NAALADL2: variants seen among roughly 807,000 people sequenced by gnomAD.
The protein encoded by NAALADL2 is inactive N-acetylated-alpha-linked acidic dipeptidase-like protein 2.
A neutral mutation model predicts 87.2 loss-of-function variants in NAALADL2; 76 were observed. The observed-to-expected ratio is 0.87, with a 90% CI of 0.72 to 1.05. The LOEUF (loss-of-function observed/expected upper bound fraction) is 1.05. Among genes scored for constraint, NAALADL2 ranks in the 50% least tolerant of loss-of-function variants. NAALADL2 has a pLI of 0.00. For missense variants in NAALADL2, 1,089 were observed against 945.8 expected (o/e 1.15, Z -1.99); for synonymous variants, 354 against 331.0 (o/e 1.07, Z -0.75).
intron 3 of NAALADL2, among the ~76,000 whole-genome samples, chr3:174,826,944 C>T (rs1270956561): frequency 6.6e-6 from 1 of 151,956 alleles, no homozygotes; most frequent in Admixed American, 6.6e-5. Context: ...TAACTTTAGC[C>T]TAAATTAATT....
At chr3:175,748,312 G>A (rs1341307722) in intron 12 of NAALADL2, among the ~76,000 whole-genome samples, 2 of 152,142 alleles carry the variant, frequency 1.3e-5, no homozygotes, top group South Asian at 2.1e-4. Context: ...AATAGAAAAT[G>A]TATGATAAAA....
At chr3:174,887,313 T>TTCTTG (rs1730283504) in intron 1 of NAALADL2, among the ~76,000 whole-genome samples, 1 of 152,220 alleles carries the variant, frequency 6.6e-6, no homozygotes, top group African/African-American at 2.4e-5. Context: ...ACTTGCTTGC[T>TTCTTG]TCTTGAACAT....
At chr3:174,982,368 C>T (rs980173765) in intron 1 of NAALADL2, among the ~76,000 whole-genome samples, 12 of 151,878 alleles carry the variant, frequency 7.9e-5, no homozygotes, top group African/African-American at 2.9e-4. Context: ...AAAAAAAAAG[C>T]TAATCAAGAA....
chr3:175,328,890 G>T (rs76126906), intron 5 of NAALADL2, among the ~76,000 whole-genome samples: 4 of 152,138 alleles, frequency 2.6e-5, no homozygotes, highest in Non-Finnish European at 5.9e-5. Context: ...TCTTTAAGTA[G>T]TATTCCATTT....
intron 4 of NAALADL2, among the ~76,000 whole-genome samples, chr3:175,279,439 G>T (rs1560282276): frequency 6.6e-6 from 1 of 151,976 alleles, no homozygotes; most frequent in Non-Finnish European, 1.5e-5. Context: ...CACATGTAGA[G>T]TGCTGATGCT....
intron 1 of NAALADL2, among the ~76,000 whole-genome samples, chr3:174,536,200 A>G (rs1721707855): frequency 6.6e-6 from 1 of 152,144 alleles, no homozygotes; most frequent in Admixed American, 6.6e-5. Flanking sequence ...TATTGAGAAC[A>G]GATAATTGGT....
At chr3:175,742,384 GT>G (rs1382514522) in intron 12 of NAALADL2, among the ~76,000 whole-genome samples, 1 of 152,034 alleles carries the variant, frequency 6.6e-6, no homozygotes, top group East Asian at 1.9e-4. Flanking sequence ...AAGTTTTTTT[GT>G]TTGTTTGTTT....
intron 4 of NAALADL2, among the ~76,000 whole-genome samples, chr3:175,279,779 AGTGTGTGAGTGTGTGTGT>A (rs1262880040): frequency 2.3e-5 from 3 of 128,670 alleles, no homozygotes; most frequent in Admixed American, 7.5e-5. Context: ...TCCTCTGCAT[AGTGTGTGAGTGTGTGTGT>A]GTGTGTGTGT....
At chr3:174,779,981 A>G (rs1710270) in intron 3 of NAALADL2, among the ~76,000 whole-genome samples, 44,773 of 151,856 alleles carry the variant, frequency 0.29, 6,642 homozygotes, top group Middle Eastern at 0.34. Context: ...ATATAAATTT[A>G]AAGTAGTTTT....
intron 2 of NAALADL2, among the ~76,000 whole-genome samples, chr3:174,699,513 C>A (rs952011731): frequency 1.3e-5 from 2 of 150,862 alleles, no homozygotes; most frequent in East Asian, 1.9e-4. Context: ...AAAAAAAATT[C>A]TTAGATGGTG....
At chr3:174,524,828 C>G (rs1389047492) in intron 1 of NAALADL2, among the ~76,000 whole-genome samples, 1 of 152,106 alleles carries the variant, frequency 6.6e-6, no homozygotes, top group Non-Finnish European at 1.5e-5. Context: ...GTGTGAGCCA[C>G]CATGCGCGGC....
At chr3:175,709,680 TTGTC>T (rs761507521) in intron 11 of NAALADL2, among the ~76,000 whole-genome samples, 17 of 152,048 alleles carry the variant, frequency 1.1e-4, no homozygotes, top group Non-Finnish European at 2.2e-4. Flanking sequence ...CCTAGTGAAA[TTGTC>T]TGGAGAAGTA....
chr3:175,721,128 CAT>C (rs150475306), intron 11 of NAALADL2, among the ~76,000 whole-genome samples: 1,667 of 152,192 alleles, frequency 0.011, 31 homozygotes, highest in African/African-American at 0.038. Flanking sequence ...TTGCGTAGTT[CAT>C]AGTCGTGAGG....
At chr3:174,873,231 T>G (rs1473142768) in intron 1 of NAALADL2, among the ~76,000 whole-genome samples, 1 of 15,134 alleles carries the variant, frequency 6.6e-5, no homozygotes, top group Non-Finnish European at 2.1e-4. Context: ...GTACATGTCT[T>G]TATTTATTTA....
At chr3:175,411,061 A>G (rs1201821128) in intron 5 of NAALADL2, among the ~76,000 whole-genome samples, 1 of 152,184 alleles carries the variant, frequency 6.6e-6, no homozygotes, top group African/African-American at 2.4e-5. Context: ...GGGCAATGAA[A>G]GAGTGTGTCA....
At chr3:175,161,972 GA>G (rs1055623949) in intron 2 of NAALADL2, among the ~76,000 whole-genome samples, 15 of 152,126 alleles carry the variant, frequency 9.9e-5, no homozygotes. Context: ...ATCTGGGTGT[GA>G]CTTTCTTTCG....
chr3:175,435,851 CTT>C (rs35378819), intron 5 of NAALADL2, among the ~76,000 whole-genome samples: 20 of 144,860 alleles, frequency 1.4e-4, no homozygotes, highest in African/African-American at 4.5e-4. Context: ...CTGTGTAGTA[CTT>C]TTTTTTTTTT....
In NAALADL2 at chr3:175,241,855, A is replaced by ATTTTTTTTTTTTTTT. The variant is rs779567135; in HGVS notation, c.819+7659_819+7673dup. Among the ~76,000 whole-genome samples the ATTTTTTTTTTTTTTT allele has an allele frequency of 1.7e-3, 146 of 83,814 alleles. 23 individuals carry two copies. The highest frequency in any genetic ancestry group is 5.1e-3 in the African/African-American group (110 of 21,544). 55.0% of individuals were successfully genotyped at this position (83,814 alleles called of 152,430 possible). A position where few individuals can be genotyped will look rare whatever the true frequency, so the allele number is the denominator to read the frequency against. On this transcript the variant is annotated intron_variant, in intron 3 of 13. Transcript: ENST00000454872. ...TAGTGAGAAAGTATCTGGATGCTGAATTTTTTTTTTTTTTTTTTTTTTCTT... is the reference window on the plus strand; with the variant it reads ...TAGTGAGAAAGTATCTGGATGCTGAATTTTTTTTTTTTTTTTTTTTTTTTTTTTTTTTTTTTTCTT...
chr3:174,665,947 T>C (rs1380319396), intron 2 of NAALADL2, among the ~76,000 whole-genome samples: 1 of 152,196 alleles, frequency 6.6e-6, no homozygotes, highest in African/African-American at 2.4e-5. Flanking sequence ...GAATTTTATT[T>C]TCTTATAAGG....
Sources: gnomAD v4.1 joint callset for allele counts (sites outside exome capture counted in the v4.1 genomes callset) on GRCh38, gnomAD v4.1.1 for gene constraint, MANE v1.5 for transcripts, NCBI Gene and HGNC (gene_info 2026-07-23, HGNC 2026-07-21) for gene names.